CLEC16A: variants seen among roughly 807,000 people sequenced by gnomAD.
CLEC16A encodes protein CLEC16A.
CLEC16A carries 51 observed loss-of-function variants against 109.5 expected under a neutral mutation model. That is an observed-to-expected ratio of 0.47 (90% confidence interval 0.37 to 0.59). The LOEUF (loss-of-function observed/expected upper bound fraction) is 0.59, where lower values mean the gene tolerates loss of function less well. Among genes scored for constraint, CLEC16A ranks in the 20% least tolerant of loss-of-function variants. The probability of loss-of-function intolerance (pLI) is 0.00; values close to 1 mark genes in which losing one functional copy is unlikely to be tolerated. For synonymous variants in CLEC16A, 673 were observed against 564.2 expected (o/e 1.19, Z -2.73); for missense variants, 1,339 against 1,394.0 (o/e 0.96, Z 0.63).
intron 22 of CLEC16A, among the ~76,000 whole-genome samples, chr16:11,146,703 G>A (rs1320060576): frequency 6.7e-6 from 1 of 149,458 alleles, no homozygotes; most frequent in Admixed American, 6.7e-5. Context: ...ATGGGTAGGT[G>A]GCTGCTGGGT....
At chr16:11,055,466 G>A (rs899712263) in intron 18 of CLEC16A, among the ~76,000 whole-genome samples, 2 of 151,720 alleles carry the variant, frequency 1.3e-5, no homozygotes, top group African/African-American at 4.8e-5. Context: ...CATGTTCAAG[G>A]AGCATAGTTA....
intron 13 of CLEC16A, among the ~76,000 whole-genome samples, chr16:11,030,059 T>TA (rs2046648852): frequency 1.3e-5 from 2 of 152,378 alleles, no homozygotes; most frequent in Admixed American, 1.3e-4. Context: ...TGTGTATCTG[T>TA]AGTTCATTTC....
intron 10 of CLEC16A, among the ~76,000 whole-genome samples, chr16:10,998,613 T>A (rs2044471016): frequency 6.6e-6 from 1 of 152,226 alleles, no homozygotes; most frequent in East Asian, 1.9e-4. Context: ...CTGCTACGTT[T>A]AGCTCCTGAG....
chr16:11,015,292 C>T (rs895237966), intron 11 of CLEC16A, among the ~76,000 whole-genome samples: 1 of 150,370 alleles, frequency 6.7e-6, no homozygotes, highest in Non-Finnish European at 1.5e-5. Context: ...TGGAGAGGCC[C>T]ATGTGGGTCT....
chr16:11,143,517 C>G (rs754168550), intron 22 of CLEC16A, among the ~76,000 whole-genome samples: 4 of 152,194 alleles, frequency 2.6e-5, no homozygotes, highest in Non-Finnish European at 4.4e-5. Context: ...GCACCCTCCC[C>G]CTAGCAACCT....
intron 19 of CLEC16A, among the ~76,000 whole-genome samples, chr16:11,113,296 G>A (rs1412682794): frequency 2.0e-5 from 3 of 152,214 alleles, no homozygotes; most frequent in African/African-American, 7.2e-5. Context: ...GTGTAAAGCT[G>A]TGGAAAGAGA....
chr16:11,039,566 AG>A (rs1270207544), intron 13 of CLEC16A, among the ~76,000 whole-genome samples, 187 bp from the exon 14 acceptor site: 1 of 152,150 alleles, frequency 6.6e-6, no homozygotes, highest in Non-Finnish European at 1.5e-5. Flanking sequence ...GTTCAAGTCC[AG>A]CCTGGGAAAC....
chr16:11,140,831 C>T, intron 22 of CLEC16A, among the ~76,000 whole-genome samples: 1 of 152,190 alleles, frequency 6.6e-6, no homozygotes, highest in Admixed American at 6.5e-5. Context: ...CCCCCAGGTT[C>T]AAATCCACAC....
chr16:10,994,659 A>C lies in CLEC16A; in HGVS notation c.1072-8415A>C, dbSNP rs534502926. The stretch of plus-strand genomic sequence containing the variant: ...ACGGAGGTTGCAGTGAGCTAAGATC[A>C]CACCACTGCACTCCAGCCTGGGTGA... On this transcript the variant is annotated intron_variant, in intron 10 of 23. Transcript: ENST00000409790. 2.0e-5 allele frequency among the ~76,000 whole-genome samples: 3 copies of C among 152,218 alleles called. No homozygotes were observed. In the East Asian group the frequency reaches 5.8e-4, roughly 29 times the overall value.
intron 19 of CLEC16A, among the ~76,000 whole-genome samples, chr16:11,111,982 AG>A (rs2051619502): frequency 6.6e-6 from 1 of 152,252 alleles, no homozygotes. Context: ...TTGTAGCAAA[AG>A]CTTCTAAACA....
chr16:11,015,133 C>G (rs993064173), intron 11 of CLEC16A, among the ~76,000 whole-genome samples: 1 of 152,164 alleles, frequency 6.6e-6, no homozygotes, highest in Non-Finnish European at 1.5e-5. Context: ...AGCAAGAAAC[C>G]TTTCCTTGAC....
intron 22 of CLEC16A, among the ~76,000 whole-genome samples, chr16:11,141,073 C>G (rs2053802935): frequency 6.6e-6 from 1 of 152,248 alleles, no homozygotes; most frequent in Non-Finnish European, 1.5e-5. Context: ...AGGTCGCAAG[C>G]TCAGGGGTGG....
At chr16:11,039,922 G>C in intron 14 of CLEC16A, 46 bp downstream of exon 14, 1 of 1,596,498 alleles carries the variant, frequency 6.3e-7, no homozygotes, top group African/African-American at 1.3e-5. Flanking sequence ...CGCAGTTGTA[G>C]GAAGCAGACC....
At chr16:11,024,500 T>G (rs2046299129) in intron 12 of CLEC16A, 1 of 282,672 alleles carries the variant, frequency 3.5e-6, no homozygotes, top group African/African-American at 2.2e-5. Flanking sequence ...GTTTGTTCTG[T>G]GTCTACCAGC....
intron 10 of CLEC16A, among the ~76,000 whole-genome samples, chr16:10,991,629 C>T (rs2044019123): frequency 6.6e-6 from 1 of 152,092 alleles, no homozygotes; most frequent in African/African-American, 2.4e-5. Context: ...AGACTGGAAC[C>T]TCTTCGTCTT....
chr16:11,170,852 A>G (rs2068480687), intron 23 of CLEC16A, among the ~76,000 whole-genome samples: 1 of 152,220 alleles, frequency 6.6e-6, no homozygotes, highest in South Asian at 2.1e-4. Context: ...ACAAACCGTG[A>G]CAAAGGAAAG....
intron 13 of CLEC16A, chr16:11,027,206 G>A (rs2046457455): frequency 7.1e-6 from 10 of 1,409,920 alleles, no homozygotes; most frequent in Admixed American, 1.7e-5. Context: ...ATTACTGGCA[G>A]CAGAAACCTG....
In CLEC16A at chr16:10,944,642, T is replaced by C. The variant is rs2041244701; in HGVS notation, c.-76T>C. The C allele has an allele frequency of 5.0e-6, 7 of 1,407,760 alleles. No individual in the cohort carries two copies. Among genetic ancestry groups the C allele is most frequent in the Non-Finnish European group, 5.9e-6 (6 of 1,025,082 alleles). The allele number at this position is 1,407,760 out of a possible 1,614,324, so 87.2% of individuals were successfully genotyped here. On this transcript the variant is annotated 5_prime_UTR_variant, in exon 1 of 24. Transcript: ENST00000409790. ...CCGCCGCCGCATCCTCCGCTTGTGC[T>C]ACCGCCGCGGGCGCTGGGCCGCTCT...
intron 17 of CLEC16A, chr16:11,047,576 C>A (rs574335341): frequency 2.8e-5 from 10 of 356,440 alleles, no homozygotes; most frequent in African/African-American, 2.1e-4. Context: ...TGATTCTCTG[C>A]TATGAATAGT....
Sources: allele counts gnomAD v4.1 joint callset (sites outside exome capture counted in the v4.1 genomes callset), GRCh38; gene constraint gnomAD v4.1.1; transcripts MANE v1.5; gene names NCBI Gene and HGNC (gene_info 2026-07-23, HGNC 2026-07-21).